The following STAC variants were observed in gnomAD, a reference collection of about 807,000 sequenced individuals.
STAC encodes the protein SH3 and cysteine rich domain.
STAC carries 43 observed loss-of-function variants against 48.8 expected under a neutral mutation model. That is an observed-to-expected ratio of 0.88 (90% CI 0.69 to 1.14). STAC has a LOEUF of 1.14. Ranked by LOEUF, STAC falls within the 50% of genes most tolerant of loss-of-function variation. STAC has a pLI of 0.00. For synonymous variants in STAC, 193 were observed against 179.5 expected, an observed-to-expected ratio of 1.07 and a Z score of -0.60; for missense variants, 497 against 504.0, an observed-to-expected ratio of 0.99 and a Z score of 0.13.
chr3:36,524,190 C>G (rs1463148128), intron 8 of STAC, among the ~76,000 whole-genome samples: 1 of 152,134 alleles, frequency 6.6e-6, no homozygotes, highest in Non-Finnish European at 1.5e-5. Flanking sequence ...AGTACAAGAG[C>G]CCCCATCAAG....
intron 1 of STAC, among the ~76,000 whole-genome samples, chr3:36,426,591 T>C (rs1260722153): frequency 6.6e-6 from 1 of 152,170 alleles, no homozygotes; most frequent in East Asian, 1.9e-4. Flanking sequence ...AAGCCAGAGA[T>C]TTTTCTTAAG....
intron 10 of STAC, among the ~76,000 whole-genome samples, chr3:36,539,169 A>T (rs1428322919): frequency 6.6e-6 from 1 of 152,150 alleles, no homozygotes; most frequent in East Asian, 1.9e-4. Context: ...CTTCTCAGTC[A>T]GCCCCTTTCT....
chr3:36,499,917 G>GCTATAT (rs1178421302), intron 6 of STAC, among the ~76,000 whole-genome samples: 280 of 152,004 alleles, frequency 1.8e-3, no homozygotes, highest in African/African-American at 6.4e-3. Flanking sequence ...TTAAGACCAA[G>GCTATAT]AAAGCATTAC....
chr3:36,435,534 C>A (rs1410480843), intron 1 of STAC, among the ~76,000 whole-genome samples: 1 of 151,638 alleles, frequency 6.6e-6, no homozygotes, highest in African/African-American at 2.4e-5. Context: ...AAAAAAAAAA[C>A]TCCCTGGATG....
chr3:36,406,606 T>C (rs560769307), intron 1 of STAC, among the ~76,000 whole-genome samples: 53 of 152,372 alleles, frequency 3.5e-4, no homozygotes, highest in Admixed American at 1.4e-3. Flanking sequence ...TGTTATAATG[T>C]GTCAGTCTTC....
chr3:36,504,349 G>C, intron 6 of STAC, 44 bp from the exon 7 acceptor site: 1 of 1,534,936 alleles, frequency 6.5e-7, no homozygotes, highest in Non-Finnish European at 9.0e-7. Flanking sequence ...TGTTTAAATG[G>C]TAACTAGATT....
intron 8 of STAC, among the ~76,000 whole-genome samples, chr3:36,515,551 G>A (rs903023877): frequency 1.3e-5 from 2 of 152,176 alleles, no homozygotes; most frequent in Middle Eastern, 3.2e-3. Context: ...ACATTCTTGT[G>A]AGACTTTGAT....
chr3:36,513,699 G>A (rs768705395), intron 8 of STAC, among the ~76,000 whole-genome samples: 5 of 152,014 alleles, frequency 3.3e-5, no homozygotes, highest in African/African-American at 4.8e-5. Context: ...TGCCCTTACC[G>A]CCCTTAGATC....
At chr3:36,453,405 G>A (rs1696747799) in intron 2 of STAC, among the ~76,000 whole-genome samples, 1 of 152,338 alleles carries the variant, frequency 6.6e-6, no homozygotes, top group Middle Eastern at 3.4e-3. Context: ...GTGAGTTCCG[G>A]GTGGGCGTGG....
intron 6 of STAC, among the ~76,000 whole-genome samples, chr3:36,501,016 T>G (rs1001198609): frequency 2.6e-5 from 4 of 152,102 alleles, no homozygotes; most frequent in African/African-American, 9.7e-5. Flanking sequence ...CACTTGAGCC[T>G]GGAAGGTCGA....
chr3:36,454,909 G>T (rs1293371320), intron 2 of STAC, among the ~76,000 whole-genome samples: 1 of 152,172 alleles, frequency 6.6e-6, no homozygotes, highest in East Asian at 1.9e-4. Context: ...AAGTGCTTTG[G>T]TGATTTCTTG....
At chr3:36,390,455 T>C (rs1016783324) in intron 1 of STAC, among the ~76,000 whole-genome samples, 1 of 135,858 alleles carries the variant, frequency 7.4e-6, no homozygotes, top group Non-Finnish European at 1.5e-5. Flanking sequence ...TCTTTTCTTT[T>C]TTTTTTTTTT....
Position 36,452,999 on chromosome 3 carries a change from TC to T in STAC, c.388+9361del, listed in dbSNP as rs1696727715. Among the ~76,000 whole-genome samples, 5 of 152,326 alleles carry T rather than the reference TC, an allele frequency of 3.3e-5. No homozygotes were observed. In the South Asian group the frequency reaches 1.0e-3, roughly 32 times the overall value. Reference sequence around the variant, plus strand: ...CTATCCAGGTGATCAGACCGGAATGTCCTAAAGCCAAATTGCTAATGGGAGG... The same window carrying T: ...CTATCCAGGTGATCAGACCGGAATGTCTAAAGCCAAATTGCTAATGGGAGG... On this transcript the variant is annotated intron_variant, in intron 2 of 10. Transcript: ENST00000273183.
intron 10 of STAC, among the ~76,000 whole-genome samples, chr3:36,535,314 A>G (rs555605829): frequency 1.3e-5 from 2 of 152,284 alleles, no homozygotes; most frequent in Non-Finnish European, 2.9e-5. Flanking sequence ...ATTATTGAAC[A>G]TTGATTTTGT....
chr3:36,461,780 T>G (rs1398169234), intron 2 of STAC, among the ~76,000 whole-genome samples: 1 of 152,100 alleles, frequency 6.6e-6, no homozygotes, highest in African/African-American at 2.4e-5. Context: ...CAGAGCATAC[T>G]TGGTGTCTTT....
rs531905458 is a variant in STAC, at chr3:36,541,553, G to A, written c.1111-4638G>A. 3.0e-4 allele frequency among the ~76,000 whole-genome samples: 46 copies of A among 152,338 alleles called. 1 individual carries two copies. The East Asian group carries it at 6.4e-3, about 21-fold the overall frequency. ...AAAAACCAATGTAGAGGACATGGAT[G>A]TGTGATCAGGAGTCTAAAATATCAA... On this transcript the variant is annotated intron_variant, in intron 10 of 10. Transcript: ENST00000273183.
intron 2 of STAC, among the ~76,000 whole-genome samples, chr3:36,475,258 T>C (rs60161512): frequency 0.032 from 4,707 of 148,956 alleles, 213 homozygotes; most frequent in African/African-American, 0.11. Flanking sequence ...AAATACATCA[T>C]GTTATTTTTT....
Position 36,546,452 on chromosome 3 carries a change from CAG to C in STAC, c.*166_*167del, listed in dbSNP as rs1448619309. ...AGACTGTGGAGTAATAGCCACAAAA[CAG>C]AGGGCCCACTGCACAGCATATCCAG... On this transcript the variant is annotated 3_prime_UTR_variant, in exon 11 of 11. Transcript: ENST00000273183. 1.6e-6 allele frequency: 1 copy of C among 630,516 alleles called. No individual in the cohort carries two copies. The highest frequency in any genetic ancestry group is 1.8e-5 in the African/African-American group (1 of 54,462). The allele number at this position is 630,516 out of a possible 1,614,324, so 39.1% of individuals were successfully genotyped here. A position where few individuals can be genotyped will look rare whatever the true frequency, so the allele number is the denominator to read the frequency against.
intron 1 of STAC, among the ~76,000 whole-genome samples, chr3:36,417,622 C>G (rs1416019747): frequency 6.6e-6 from 1 of 152,096 alleles, no homozygotes; most frequent in East Asian, 1.9e-4. Flanking sequence ...TAAAGTTTCT[C>G]TTTGTATTTA....
Sources: allele counts gnomAD v4.1 joint callset (sites outside exome capture counted in the v4.1 genomes callset), GRCh38; gene constraint gnomAD v4.1.1; transcripts MANE v1.5; gene names NCBI Gene and HGNC (gene_info 2026-07-23, HGNC 2026-07-21).